Variants in ARHGAP15 observed in about 807,000 individuals in gnomAD.
ARHGAP15 encodes Rho GTPase activating protein 15.
A neutral mutation model predicts 63.7 loss-of-function variants in ARHGAP15; 51 were observed. The ratio of observed to expected loss-of-function variants is 0.80; its 90% confidence interval spans 0.64 to 1.01. The LOEUF is 1.01. Among genes scored for constraint, ARHGAP15 ranks in the 50% least tolerant of loss-of-function variants. ARHGAP15 has a pLI of 0.00. For synonymous variants in ARHGAP15, 191 were observed against 193.8 expected (o/e 0.99, Z 0.12); for missense variants, 560 against 564.6 (o/e 0.99, Z 0.08).
chr2:143,173,357 A>C (rs1690876138), intron 2 of ARHGAP15, among the ~76,000 whole-genome samples: 1 of 152,072 alleles, frequency 6.6e-6, no homozygotes, highest in Non-Finnish European at 1.5e-5. Flanking sequence ...AGAGATTGTT[A>C]TATATTGTAA....
chr2:143,766,769 T>C (rs1343929429), intron 13 of ARHGAP15: 2 of 152,206 alleles, frequency 1.3e-5, no homozygotes, highest in Non-Finnish European at 2.9e-5. Context: ...TTCCAATAGA[T>C]GGCAATCTGG....
At chr2:143,140,738 T>C (rs1022764604) in intron 1 of ARHGAP15, among the ~76,000 whole-genome samples, 3 of 152,136 alleles carry the variant, frequency 2.0e-5, no homozygotes, top group Admixed American at 6.6e-5. Context: ...ATTCTATATA[T>C]GTAGGTTGAA....
chr2:143,471,108 TATACACAC>T (rs762719276), intron 8 of ARHGAP15, among the ~76,000 whole-genome samples: 82 of 148,736 alleles, frequency 5.5e-4, no homozygotes, highest in Non-Finnish European at 3.6e-4. Context: ...CATGTGTATA[TATACACAC>T]ATATACACAT....
At chr2:143,442,529 G>C (rs1689934002) in intron 8 of ARHGAP15, among the ~76,000 whole-genome samples, 1 of 152,090 alleles carries the variant, frequency 6.6e-6, no homozygotes, top group Admixed American at 6.6e-5. Flanking sequence ...GTAGTGGCAG[G>C]GAGGGAATTT....
chr2:143,585,213 A>G (rs1381134342), intron 11 of ARHGAP15, among the ~76,000 whole-genome samples: 1 of 152,194 alleles, frequency 6.6e-6, no homozygotes, highest in Non-Finnish European at 1.5e-5. Context: ...AGAGAGTTAT[A>G]AAAACACCCC....
chr2:143,270,246 A>G (rs910608542), intron 6 of ARHGAP15, among the ~76,000 whole-genome samples: 3 of 152,120 alleles, frequency 2.0e-5, no homozygotes, highest in Non-Finnish European at 2.9e-5. Flanking sequence ...TTCTTAACCA[A>G]CTACATATTT....
intron 6 of ARHGAP15, among the ~76,000 whole-genome samples, chr2:143,421,140 TTTC>T (rs140737926): frequency 0.053 from 8,046 of 152,188 alleles, 273 homozygotes; most frequent in East Asian, 0.13. Context: ...CCCATCTTTG[TTTC>T]TTCTTTTATA....
intron 11 of ARHGAP15, among the ~76,000 whole-genome samples, chr2:143,600,162 C>A (rs1330962213): frequency 1.3e-5 from 2 of 152,120 alleles, no homozygotes; most frequent in Non-Finnish European, 2.9e-5. Flanking sequence ...TCAAAATTGA[C>A]ACATACTATG....
rs745992019 is a variant in ARHGAP15, at chr2:143,624,123, G to A, written c.1004-10G>A. 1 of 1,612,496 alleles carries A rather than the reference G, an allele frequency of 6.2e-7. No individual in the cohort carries two copies. Among genetic ancestry groups the A allele is most frequent in the Admixed American group, 1.7e-5 (1 of 59,876 alleles). On this transcript the variant is annotated splice_polypyrimidine_tract_variant and intron_variant, in intron 11 of 13. Coordinates refer to ENST00000295095, the MANE Select transcript of ARHGAP15 (RefSeq NM_018460.4). Reference sequence around the variant, plus strand: ...AACCAGTTGTTCCATTTCTCCTCGTGTTTTCCCAGAAGAGAAGCTGAATTT... The same window carrying A: ...AACCAGTTGTTCCATTTCTCCTCGTATTTTCCCAGAAGAGAAGCTGAATTT...
intron 11 of ARHGAP15, among the ~76,000 whole-genome samples, chr2:143,592,646 C>A (rs945559354): frequency 2.6e-5 from 4 of 152,182 alleles, no homozygotes; most frequent in African/African-American, 9.7e-5. Flanking sequence ...CTCCTTTGAG[C>A]AAATGCAGAC....
chr2:143,595,853 A>C (rs1697496251), intron 11 of ARHGAP15, among the ~76,000 whole-genome samples: 1 of 152,184 alleles, frequency 6.6e-6, no homozygotes, highest in African/African-American at 2.4e-5. Flanking sequence ...TTAAGATGTA[A>C]AATATAAACA....
intron 8 of ARHGAP15, among the ~76,000 whole-genome samples, chr2:143,473,531 A>G (rs1199735066): frequency 6.6e-6 from 1 of 152,146 alleles, no homozygotes; most frequent in Admixed American, 6.6e-5. Context: ...AGGGACAACA[A>G]TGACAGTAGT....
chr2:143,379,389 C>T (rs541762561), intron 6 of ARHGAP15, among the ~76,000 whole-genome samples: 8 of 149,946 alleles, frequency 5.3e-5, no homozygotes, highest in African/African-American at 1.5e-4. Context: ...CTGTTGGTGC[C>T]GATCAGTGCT....
chr2:143,698,553 G>A (rs1360340823), intron 12 of ARHGAP15, among the ~76,000 whole-genome samples: 1 of 152,128 alleles, frequency 6.6e-6, no homozygotes, highest in Non-Finnish European at 1.5e-5. Context: ...TGAGAAGATG[G>A]GGGCAGGTTG....
intron 6 of ARHGAP15, among the ~76,000 whole-genome samples, chr2:143,296,937 G>C (rs1266935332): frequency 6.6e-6 from 1 of 151,874 alleles, no homozygotes; most frequent in African/African-American, 2.4e-5. Context: ...TCCTGAGTTA[G>C]TTTGCTAAGG....
chr2:143,213,012 G>A (rs1303795271), intron 3 of ARHGAP15, among the ~76,000 whole-genome samples: 3 of 152,118 alleles, frequency 2.0e-5, no homozygotes, highest in African/African-American at 7.2e-5. Context: ...GATGACTTAA[G>A]CAGGGCATGG....
At chr2:143,161,204 T>C (rs1293456270) in intron 2 of ARHGAP15, among the ~76,000 whole-genome samples, 6 of 151,980 alleles carry the variant, frequency 3.9e-5, no homozygotes, top group Non-Finnish European at 5.9e-5. Context: ...TAGCTAATTA[T>C]GTAGATGACA....
At chr2:143,524,066 A>T (rs1008308198) in intron 10 of ARHGAP15, among the ~76,000 whole-genome samples, 10 of 152,152 alleles carry the variant, frequency 6.6e-5, no homozygotes, top group Admixed American at 5.9e-4. Flanking sequence ...ATGGTACACA[A>T]AGTTACATAT....
chr2:143,361,481 G>T (rs1317302231), intron 6 of ARHGAP15, among the ~76,000 whole-genome samples: 1 of 152,166 alleles, frequency 6.6e-6, no homozygotes. Context: ...CTTGGATGAA[G>T]CATAAAGCAG....
Sources: allele counts gnomAD v4.1 joint callset (sites outside exome capture counted in the v4.1 genomes callset), GRCh38; gene constraint gnomAD v4.1.1; transcripts MANE v1.5; gene names NCBI Gene and HGNC (gene_info 2026-07-23, HGNC 2026-07-21).